AOPEP: variants seen among roughly 807,000 people sequenced by gnomAD.
AOPEP encodes aminopeptidase O (putative).
A neutral mutation model predicts 98.1 loss-of-function variants in AOPEP; 77 were observed. The observed-to-expected ratio is 0.78, with a 90% CI of 0.65 to 0.95. The LOEUF (loss-of-function observed/expected upper bound fraction) is 0.95, where lower values mean the gene tolerates loss of function less well. Among genes scored for constraint, AOPEP ranks in the 40% least tolerant of loss-of-function variants. The probability of loss-of-function intolerance (pLI) is 0.00; values close to 1 mark genes in which losing one functional copy is unlikely to be tolerated. For missense variants in AOPEP, 1,024 were observed against 1,024.7 expected (o/e 1.00, Z 0.01); for synonymous variants, 346 against 365.3 (o/e 0.95, Z 0.60).
intron 3 of AOPEP, among the ~76,000 whole-genome samples, chr9:94,790,097 G>C (rs10993345): frequency 0.019 from 2,850 of 151,716 alleles, 38 homozygotes; most frequent in Middle Eastern, 0.061. Flanking sequence ...GGATGGTCTC[G>C]ATCTCCTGAC....
chr9:94,968,203 G>A (rs2059325010), intron 10 of AOPEP, among the ~76,000 whole-genome samples: 1 of 152,130 alleles, frequency 6.6e-6, no homozygotes. Flanking sequence ...AAGAGCTTGG[G>A]ATGTAAAATC....
chr9:94,957,745 G>A (rs553824607), intron 9 of AOPEP, among the ~76,000 whole-genome samples: 2 of 151,644 alleles, frequency 1.3e-5, no homozygotes, highest in East Asian at 1.9e-4. Context: ...CCACTAATCC[G>A]CTTTCTGTCT....
chr9:95,047,578 A>G (rs1287540662), intron 13 of AOPEP, among the ~76,000 whole-genome samples: 1 of 152,196 alleles, frequency 6.6e-6, no homozygotes, highest in African/African-American at 2.4e-5. Context: ...TCCCTTCCTG[A>G]GGTGGGTCCC....
At chr9:94,750,865 A>G (rs1197224629) in intron 1 of AOPEP, among the ~76,000 whole-genome samples, 1 of 146,534 alleles carries the variant, frequency 6.8e-6, no homozygotes, top group Non-Finnish European at 1.5e-5. Context: ...CTCCTGCCTC[A>G]GCCTCCTGAG....
At chr9:95,073,702 CA>C (rs1157295553) in intron 14 of AOPEP, among the ~76,000 whole-genome samples, 1 of 151,932 alleles carries the variant, frequency 6.6e-6, no homozygotes, top group African/African-American at 2.4e-5. Flanking sequence ...ACTAAAAATA[CA>C]AAAAAATTAG....
Position 94,832,874 on chromosome 9 carries a change from C to T in AOPEP, c.1364+31872C>T, listed in dbSNP as rs1170072707. Among the ~76,000 whole-genome samples the T allele has an allele frequency of 4.9e-5, 7 of 143,310 alleles. 1 individual carries two copies. The highest frequency in any genetic ancestry group is 4.1e-4 in the East Asian group (2 of 4,876). The allele number at this position is 143,310 out of a possible 152,430, so 94.0% of individuals were successfully genotyped here. Reference sequence around the variant, plus strand: ...AGTAGAAGAAAGCGGGGGAAAAGGTCGGGGGTACAGATAGTAAGAGTTAGA... The same window carrying T: ...AGTAGAAGAAAGCGGGGGAAAAGGTTGGGGGTACAGATAGTAAGAGTTAGA... On this transcript the variant is annotated intron_variant, in intron 5 of 16. Coordinates refer to ENST00000375315, the MANE Select transcript of AOPEP (RefSeq NM_001193329.3).
At chr9:94,863,847 C>A (rs2045398525) in intron 5 of AOPEP, among the ~76,000 whole-genome samples, 1 of 152,188 alleles carries the variant, frequency 6.6e-6, no homozygotes, top group Non-Finnish European at 1.5e-5. Flanking sequence ...AGTGAAAGGC[C>A]TGCACCAACT....
At chr9:95,054,069 A>C (rs1022059300) in intron 13 of AOPEP, among the ~76,000 whole-genome samples, 6 of 152,228 alleles carry the variant, frequency 3.9e-5, no homozygotes, top group Non-Finnish European at 7.3e-5. Flanking sequence ...AAATGTGAAT[A>C]CAAGAAAAGT....
chr9:94,733,524 C>T (rs1162115872), intron 1 of AOPEP, among the ~76,000 whole-genome samples: 1 of 152,150 alleles, frequency 6.6e-6, no homozygotes, highest in Non-Finnish European at 1.5e-5. Flanking sequence ...TAAACATACC[C>T]TTAGGTTCCT....
chr9:95,138,805 T>A, the AOPEP span, among the ~76,000 whole-genome samples: 1 of 152,296 alleles, frequency 6.6e-6, no homozygotes, highest in East Asian at 1.9e-4. Flanking sequence ...CCCATCCTGC[T>A]TAGCATAGTC....
chr9:94,987,816 G>T (rs1012814387), intron 11 of AOPEP, among the ~76,000 whole-genome samples: 2 of 152,184 alleles, frequency 1.3e-5, no homozygotes, highest in Non-Finnish European at 2.9e-5. Context: ...GAGGGGGAAT[G>T]GTTAGTGGGG....
chr9:94,745,137 C>T (rs1834170882), intron 1 of AOPEP, among the ~76,000 whole-genome samples: 1 of 152,136 alleles, frequency 6.6e-6, no homozygotes, highest in African/African-American at 2.4e-5. Context: ...TGACTGTAGT[C>T]ACCCTGTTGT....
intron 2 of AOPEP, among the ~76,000 whole-genome samples, chr9:94,762,642 G>A (rs1838617395): frequency 6.6e-6 from 1 of 152,080 alleles, no homozygotes; most frequent in African/African-American, 2.4e-5. Flanking sequence ...AGTCTTCTGA[G>A]GATAAGAAAA....
At chr9:94,842,909 G>A (rs1463001382) in intron 5 of AOPEP, among the ~76,000 whole-genome samples, 1 of 152,084 alleles carries the variant, frequency 6.6e-6, no homozygotes, top group Non-Finnish European at 1.5e-5. Context: ...AAGGATTTCT[G>A]TGACTGTTTT....
At chr9:95,149,072 CA>C in the AOPEP span, among the ~76,000 whole-genome samples, 4 of 151,794 alleles carry the variant, frequency 2.6e-5, no homozygotes, top group Admixed American at 2.6e-4. Flanking sequence ...TTTTGTCAAA[CA>C]TTTTTTTTTT....
At chr9:95,070,228 C>T (rs910614265) in intron 14 of AOPEP, among the ~76,000 whole-genome samples, 4 of 152,180 alleles carry the variant, frequency 2.6e-5, no homozygotes, top group Admixed American at 6.5e-5. Context: ...GCCAGTCAGC[C>T]CACTGTAAAG....
intron 11 of AOPEP, among the ~76,000 whole-genome samples, chr9:94,990,317 G>A (rs1225788908): frequency 2.0e-5 from 3 of 152,150 alleles, no homozygotes; most frequent in Non-Finnish European, 4.4e-5. Context: ...AGGCTTTCAA[G>A]TATTGGCCCA....
intron 5 of AOPEP, among the ~76,000 whole-genome samples, chr9:94,912,902 A>G (rs1564369203): frequency 6.6e-6 from 1 of 152,264 alleles, no homozygotes; most frequent in Non-Finnish European, 1.5e-5. Context: ...TCACTGCACC[A>G]GCCCCAGCAA....
Position 95,024,202 on chromosome 9 carries a change from G to A in AOPEP, c.2115+18586G>A, listed in dbSNP as rs552792680. 2.0e-5 allele frequency among the ~76,000 whole-genome samples: 3 copies of A among 152,304 alleles called. No individual in the cohort carries two copies. The South Asian group carries it at 6.2e-4, about 32-fold the overall frequency. ...TGTTGTTTTTCCCCACCTGATCCCTGCTTTTCCTTGAGAAGTTTATTTTAA... is the reference window on the plus strand; with the variant it reads ...TGTTGTTTTTCCCCACCTGATCCCTACTTTTCCTTGAGAAGTTTATTTTAA... On this transcript the variant is annotated intron_variant, in intron 13 of 16. Transcript: ENST00000375315.
Sources: allele counts gnomAD v4.1 joint callset (sites outside exome capture counted in the v4.1 genomes callset), GRCh38; gene constraint gnomAD v4.1.1; transcripts MANE v1.5; gene names NCBI Gene and HGNC (gene_info 2026-07-23, HGNC 2026-07-21).